Variants in SOD2 observed in about 807,000 individuals in gnomAD.
The protein encoded by SOD2 is superoxide dismutase [Mn], mitochondrial.
In SOD2, 11 loss-of-function variants were observed where a neutral mutation model predicts 27.0. That is an observed-to-expected ratio of 0.41 (90% CI 0.26 to 0.67). The LOEUF (loss-of-function observed/expected upper bound fraction) is 0.67, where lower values mean the gene tolerates loss of function less well. Among genes scored for constraint, SOD2 ranks in the 30% least tolerant of loss-of-function variants. SOD2 has a pLI of 0.34. For missense variants in SOD2, 250 were observed against 274.5 expected (o/e 0.91, Z 0.63); for synonymous variants, 105 against 103.0 (o/e 1.02, Z -0.12).
At chr6:159,697,955 C>T (rs770748409), upstream of SOD2, among the ~76,000 whole-genome samples, 16 of 152,102 alleles carry the variant, frequency 1.1e-4, no homozygotes, top group African/African-American at 3.9e-4. Context: ...GCCTGGCCAA[C>T]ATGGTGAAAC....
upstream of SOD2, chr6:159,693,379 G>T (rs1189158127): frequency 5.2e-6 from 1 of 190,614 alleles, no homozygotes; most frequent in Non-Finnish European, 1.0e-5. Context: ...CAACCCCGGG[G>T]GTGCCCTGCG....
At chr6:159,760,298 TTC>T (rs552871965) in intron 1 of SOD2, 2 of 152,174 alleles carry the variant, frequency 1.3e-5, no homozygotes, top group Non-Finnish European at 2.9e-5. Flanking sequence ...TTGAGACAGT[TTC>T]TCTCTGTCGC....
chr6:159,757,744 G>A (rs749227659), intron 1 of SOD2, among the ~76,000 whole-genome samples: 3 of 152,150 alleles, frequency 2.0e-5, no homozygotes, highest in Non-Finnish European at 4.4e-5. Context: ...GCTCAAGTGA[G>A]TAAAAAATCC....
intron 1 of SOD2, chr6:159,726,568 C>T (rs920187368): frequency 2.9e-6 from 1 of 345,104 alleles, no homozygotes; most frequent in Non-Finnish European, 5.7e-6. Context: ...GGTAACACCG[C>T]CATTACTCGG....
intron 1 of SOD2, among the ~76,000 whole-genome samples, chr6:159,744,274 A>G (rs1779431757): frequency 6.6e-6 from 1 of 152,164 alleles, no homozygotes; most frequent in Non-Finnish European, 1.5e-5. Flanking sequence ...TACTATGTCT[A>G]CGTAGATCTG....
intron 2 of SOD2, chr6:159,691,486 C>T (rs751219411): frequency 1.3e-5 from 2 of 152,086 alleles, no homozygotes; most frequent in Non-Finnish European, 2.9e-5. Context: ...TTCATAACCC[C>T]GAAATTCAAA....
chr6:159,762,098 G>A, exon 1 of SOD2: 1 of 1,613,278 alleles, frequency 6.2e-7, no homozygotes, highest in Non-Finnish European at 8.5e-7. Context: ...ATGAATGCAG[G>A]CTCAGATCCT....
intron 1 of SOD2, among the ~76,000 whole-genome samples, chr6:159,751,726 A>G (rs1779828221): frequency 6.6e-6 from 1 of 152,194 alleles, no homozygotes; most frequent in Non-Finnish European, 1.5e-5. Context: ...TATTTTCTGG[A>G]AGAAAGCTTA....
chr6:159,693,154 G>A lies in SOD2; in HGVS notation c.14C>T (p.Ala5Val). 1 of 1,533,680 alleles carries A rather than the reference G, an allele frequency of 6.5e-7. No individual in the cohort carries two copies. The highest frequency in any genetic ancestry group is 8.8e-7 in the Non-Finnish European group (1 of 1,140,022). Residue 5 changes from alanine to valine, a missense_variant, in exon 1 of 5, where the codon GCA (alanine) becomes GTA (valine). Coordinates refer to ENST00000538183, the MANE Select transcript of SOD2 (RefSeq NM_000636.4). MLSR[A>V]VCGTSRQLAP... ...TCCCCTTTCTTCTCACCCGCACACT[G>A]CCCGGCTCAACATGCTGCTAGTGCT...
intron 1 of SOD2, among the ~76,000 whole-genome samples, chr6:159,738,373 C>G (rs9365091): frequency 0.21 from 32,007 of 152,024 alleles, 3,508 homozygotes; most frequent in East Asian, 0.4. Flanking sequence ...TTCCACTTAG[C>G]ACAGTTTCCT....
At chr6:159,696,335 T>C (rs964658069), upstream of SOD2, among the ~76,000 whole-genome samples, 1 of 152,174 alleles carries the variant, frequency 6.6e-6, no homozygotes, top group African/African-American at 2.4e-5. Flanking sequence ...ATTTTTTCTT[T>C]CCGAATCAAG....
chr6:159,713,439 A>T (rs1172583389), intron 1 of SOD2: 1 of 648,984 alleles, frequency 1.5e-6, no homozygotes, highest in East Asian at 2.6e-5. Flanking sequence ...CAGCTTGGCT[A>T]TTCTAGAAGA....
intron 1 of SOD2, chr6:159,712,724 C>G (rs1355682287): frequency 1.3e-5 from 5 of 399,344 alleles, no homozygotes; most frequent in Non-Finnish European, 2.5e-5. Flanking sequence ...ACCTCCATAA[C>G]CACCACTCAC....
chr6:159,717,002 T>C (rs904929977), intron 1 of SOD2, among the ~76,000 whole-genome samples: 6 of 152,240 alleles, frequency 3.9e-5, no homozygotes, highest in African/African-American at 1.4e-4. Context: ...CTAGTCATTC[T>C]GGCATGCTAA....
chr6:159,751,679 CCT>C (rs1341276457), intron 1 of SOD2, among the ~76,000 whole-genome samples: 3 of 152,202 alleles, frequency 2.0e-5, no homozygotes, highest in Non-Finnish European at 4.4e-5. Flanking sequence ...CCCTCGGGCT[CCT>C]CTGAGCAGTA....
At chr6:159,747,508 T>TTTATAA (rs1779642781), upstream of SOD2, among the ~76,000 whole-genome samples, 4 of 152,232 alleles carry the variant, frequency 2.6e-5, no homozygotes, top group African/African-American at 4.8e-5. Flanking sequence ...TATTTTGGCT[T>TTTATAA]AAGGTCCTAT....
At chr6:159,727,146 G>C (rs566586638) in exon 1 of SOD2, 60 of 1,194,628 alleles carry the variant, frequency 5.0e-5, no homozygotes, top group Non-Finnish European at 6.1e-5. Context: ...GCTGAGCTCC[G>C]GGGCCCGCGG....
chr6:159,677,952 G>T lies in SOD2; in HGVS notation c.*4541C>A, dbSNP rs73599322. The T allele has an allele frequency of 6.6e-6, 1 of 152,050 alleles. No homozygotes were observed. Among genetic ancestry groups the T allele is most frequent in the Admixed American group, 6.6e-5 (1 of 15,252 alleles). 9.4% of individuals were successfully genotyped at this position (152,050 alleles called of 1,614,324 possible). A position where few individuals can be genotyped will look rare whatever the true frequency, so the allele number is the denominator to read the frequency against. ...GCCTCTAGGTAGCTTCAGGACGGGG[G>T]GCTGCTTACCAGAAAGACCAAGGCA... On this transcript the variant is annotated 3_prime_UTR_variant, in exon 5 of 5. Transcript: ENST00000538183.
At chr6:159,724,439 T>A (rs1256830783) in intron 1 of SOD2, among the ~76,000 whole-genome samples, 2 of 152,228 alleles carry the variant, frequency 1.3e-5, no homozygotes, top group East Asian at 3.8e-4. Flanking sequence ...TAATCATAAA[T>A]CAGTGAAGCT....
Sources: gnomAD v4.1 joint callset for allele counts (sites outside exome capture counted in the v4.1 genomes callset) on GRCh38, gnomAD v4.1.1 for gene constraint, MANE v1.5 for transcripts, NCBI Gene and HGNC (gene_info 2026-07-23, HGNC 2026-07-21) for gene names.